Variants in YEATS2 observed in about 807,000 individuals in gnomAD.
YEATS2 encodes the protein YEATS domain-containing protein 2.
YEATS2 carries 77 observed loss-of-function variants against 163.2 expected under a neutral mutation model. The ratio of observed to expected loss-of-function variants is 0.47; its 90% CI spans 0.39 to 0.57. The LOEUF (loss-of-function observed/expected upper bound fraction) is 0.57, where lower values mean the gene tolerates loss of function less well. YEATS2 is among the 20% of genes least tolerant of loss of function. The probability of loss-of-function intolerance (pLI) is 0.00; values close to 1 mark genes in which losing one functional copy is unlikely to be tolerated. For missense variants in YEATS2, 1,549 were observed against 1,729.8 expected (o/e 0.90, Z 1.85); for synonymous variants, 631 against 645.1 (o/e 0.98, Z 0.33).
At chr3:183,718,739 C>T (rs1265890003) in intron 4 of YEATS2, 147 bp downstream of exon 4, 2 of 684,174 alleles carry the variant, frequency 2.9e-6, no homozygotes, top group Middle Eastern at 3.1e-4. Flanking sequence ...CGCTGTGTCA[C>T]CCAGGCTGGA....
intron 15 of YEATS2, among the ~76,000 whole-genome samples, chr3:183,767,878 C>T (rs1722068144): frequency 6.6e-6 from 1 of 152,102 alleles, no homozygotes; most frequent in Non-Finnish European, 1.5e-5. Context: ...AACTCTGAAG[C>T]ACTTGGCACA....
intron 1 of YEATS2, among the ~76,000 whole-genome samples, chr3:183,711,263 G>T (rs545670754): frequency 1.3e-5 from 2 of 152,050 alleles, no homozygotes; most frequent in East Asian, 3.9e-4. Flanking sequence ...GAGGTCAGGA[G>T]ATTGAGACCA....
In YEATS2 at chr3:183,768,904, G is replaced by A. The variant is rs147541345; in HGVS notation, c.1948-3401G>A. On this transcript the variant is annotated intron_variant, in intron 15 of 30. Transcript: ENST00000305135. The stretch of plus-strand genomic sequence containing the variant: ...GGAGAATTGCTTGAACCCAGGAGGC[G>A]GAGGTTGCGGTGAGCTGAGATCGTG... Among the ~76,000 whole-genome samples, 647 of 152,268 alleles carry A rather than the reference G, an allele frequency of 4.2e-3. 7 individuals are homozygous for A. The highest frequency in any genetic ancestry group is 0.015 in the African/African-American group (623 of 41,554).
At chr3:183,740,313 CAAAA>C (rs1182696654) in intron 8 of YEATS2, among the ~76,000 whole-genome samples, 1 of 152,010 alleles carries the variant, frequency 6.6e-6, no homozygotes, top group Non-Finnish European at 1.5e-5. Flanking sequence ...AGACACTTCT[CAAAA>C]GAAGACATTT....
chr3:183,727,194 A>ATAC (rs1717205437), intron 6 of YEATS2, among the ~76,000 whole-genome samples: 1 of 152,214 alleles, frequency 6.6e-6, no homozygotes, highest in Admixed American at 6.5e-5. Context: ...TAAACATAAC[A>ATAC]TACACAAACC....
chr3:183,785,982 G>A (rs1247280625), intron 19 of YEATS2, 143 bp from the exon 20 acceptor site: 2 of 876,662 alleles, frequency 2.3e-6, no homozygotes, highest in East Asian at 2.7e-5. Flanking sequence ...AGAAAGGTGT[G>A]TAAACACCTC....
intron 8 of YEATS2, among the ~76,000 whole-genome samples, chr3:183,743,557 G>A (rs1347260507): frequency 1.3e-5 from 2 of 151,826 alleles, no homozygotes; most frequent in Non-Finnish European, 2.9e-5. Flanking sequence ...TGTTGCCCAG[G>A]CTGGTCTCAA....
rs992900176 is a variant in YEATS2 at position 183,790,723 on chromosome 3, T to TGGCCGTCACC, written c.2914-72_2914-63dup. The TGGCCGTCACC allele has an allele frequency of 3.2e-4, 484 of 1,521,204 alleles. 1 individual carries two copies. Among genetic ancestry groups the TGGCCGTCACC allele is most frequent in the Admixed American group, 4.1e-4 (23 of 56,652 alleles). The allele number at this position is 1,521,204 out of a possible 1,614,324, so 94.2% of individuals were successfully genotyped here. ...GATGATATTTAGTGTGTGTGCTGTG[T>TGGCCGTCACC]GGCCGTCACCGCCGTCAGTCATCAC... On this transcript the variant is annotated intron_variant, in intron 20 of 30. Coordinates refer to ENST00000305135, the MANE Select transcript of YEATS2 (RefSeq NM_018023.5).
At position 183,736,593 on chromosome 3, in the gene YEATS2, A is replaced by G. The variant is rs116416698; in HGVS notation, c.813-125A>G. 1,611 of 678,212 alleles carry G rather than the reference A, an allele frequency of 2.4e-3. 18 individuals are homozygous for G. The African/African-American group carries it at 0.027, about 11-fold the overall frequency. 42.0% of individuals were successfully genotyped at this position (678,212 alleles called of 1,614,324 possible). ...ATTCGGCATGTTGATTTAGTTTTAA[A>G]CGAGGAAATCTAAATGATTCTCAGA... On this transcript the variant is annotated intron_variant, in intron 7 of 30. Coordinates refer to ENST00000305135, the MANE Select transcript of YEATS2 (RefSeq NM_018023.5).
At chr3:183,802,535 G>GTATATATATACCCGTA in intron 25 of YEATS2, 1 of 142,316 alleles carries the variant, frequency 7.0e-6, no homozygotes, top group East Asian at 2.5e-4. Context: ...ATATACACGT[G>GTATATATATACCCGTA]TATATACACA....
intron 6 of YEATS2, among the ~76,000 whole-genome samples, chr3:183,724,857 C>A (rs1716903073): frequency 6.6e-6 from 1 of 152,146 alleles, no homozygotes. Context: ...GATTCTCCTG[C>A]CTTAGCCTAC....
chr3:183,808,270 T>C (rs1726430406), intron 29 of YEATS2, 166 bp downstream of exon 29: 1 of 604,956 alleles, frequency 1.7e-6, no homozygotes, highest in Non-Finnish European at 2.9e-6. Context: ...TTCCTTCTGA[T>C]TTTTAAATGG....
chr3:183,745,727 C>G (rs541568057), intron 8 of YEATS2, among the ~76,000 whole-genome samples: 1 of 152,294 alleles, frequency 6.6e-6, no homozygotes, highest in African/African-American at 2.4e-5. Context: ...TTTACTCTCT[C>G]CTTACCCATT....
intron 30 of YEATS2, 53 bp from the exon 31 acceptor site, chr3:183,810,422 G>T: frequency 6.8e-7 from 1 of 1,478,488 alleles, no homozygotes; most frequent in South Asian, 1.2e-5. Context: ...AATAAATGAT[G>T]AGATATACGT....
chr3:183,810,577 C>G lies in YEATS2; in HGVS notation c.4263C>G (p.Asp1421Glu). 2 of 1,613,710 alleles carry G rather than the reference C, an allele frequency of 1.2e-6. No individual in the cohort carries two copies. The highest frequency in any genetic ancestry group is 1.7e-6 in the Non-Finnish European group (2 of 1,179,716). The change falls in exon 31 of 31, where the codon GAC becomes GAG. Residue 1421 changes from aspartate (D) to glutamate (E), a missense_variant. Transcript: ENST00000305135. ...AACACATGGGAATATTGAATGAGGA[C>G]CAGTGAGCGGAGTGAGGTGCCCTGG... ...TNKHMGILNE[D>E]Q is the part of the protein sequence containing the mutation.
At chr3:183,708,160 CT>C (rs35605564) in intron 1 of YEATS2, among the ~76,000 whole-genome samples, 2,111 of 120,864 alleles carry the variant, frequency 0.017, 39 homozygotes, top group African/African-American at 0.058. Flanking sequence ...GAATTGGCCA[CT>C]TTTTTTTTTT....
intron 9 of YEATS2, among the ~76,000 whole-genome samples, chr3:183,751,143 G>A (rs181907533): frequency 1.3e-5 from 2 of 152,268 alleles, no homozygotes; most frequent in Admixed American, 6.5e-5. Flanking sequence ...GTAAGGGTCC[G>A]ATTGCATTCT....
intron 5 of YEATS2, among the ~76,000 whole-genome samples, chr3:183,723,980 T>C (rs1201154470): frequency 6.6e-6 from 1 of 152,242 alleles, no homozygotes; most frequent in African/African-American, 2.4e-5. Context: ...TGATCATTTC[T>C]ATATGTATTT....
intron 3 of YEATS2, 73 bp downstream of exon 3, chr3:183,717,821 A>C: frequency 1.2e-6 from 1 of 817,314 alleles, no homozygotes; most frequent in Non-Finnish European, 1.7e-6. Flanking sequence ...AAAATAATCT[A>C]TTGAGATGGA....
Sources: gnomAD v4.1 joint callset for allele counts (sites outside exome capture counted in the v4.1 genomes callset) on GRCh38, gnomAD v4.1.1 for gene constraint, MANE v1.5 for transcripts, NCBI Gene and HGNC (gene_info 2026-07-23, HGNC 2026-07-21) for gene names.